PIK3R5: variants seen among roughly 807,000 people sequenced by gnomAD.
The protein encoded by PIK3R5 is phosphoinositide-3-kinase regulatory subunit 5.
A neutral mutation model predicts 94.9 loss-of-function variants in PIK3R5; 32 were observed. The ratio of observed to expected loss-of-function variants is 0.34; its 90% CI spans 0.25 to 0.45. The LOEUF (loss-of-function observed/expected upper bound fraction) is 0.45, where lower values mean the gene tolerates loss of function less well. Ranked by LOEUF, PIK3R5 falls within the 20% of genes least tolerant of loss-of-function variation. The pLI is 1.00. For synonymous variants in PIK3R5, 443 were observed against 479.4 expected, an observed-to-expected ratio of 0.92 and a Z score of 0.99; for missense variants, 853 against 1,144.6, an observed-to-expected ratio of 0.75 and a Z score of 3.68.
In PIK3R5 at chr17:8,890,810, G is replaced by A. The variant is rs747247134; in HGVS notation, c.585C>T (p.Thr195=). 6.2e-7 allele frequency: 1 copy of A among 1,613,340 alleles called. No homozygotes were observed. Among genetic ancestry groups the A allele is most frequent in the Non-Finnish European group, 8.5e-7 (1 of 1,179,738 alleles). The change falls in exon 7 of 19, where the codon ACC becomes ACT. Residue 195 remains threonine (T), a synonymous_variant. Coordinates refer to ENST00000447110, the MANE Select transcript of PIK3R5 (RefSeq NM_001142633.3). This position sits in a 1 kb window ranked among gnomAD's most constrained non-coding sequence, Gnocchi z 6.1. ...PGHSPHSAYT[T]LLLHAFQATF... Reference sequence around the variant, plus strand: ...TGGCCTGGAAGGCGTGCAGGAGCAGGGTGGTGTAGGCACTGTGAGGCGAGT... The same window carrying A: ...TGGCCTGGAAGGCGTGCAGGAGCAGAGTGGTGTAGGCACTGTGAGGCGAGT...
chr17:8,922,220 T>C (rs930074005), intron 1 of PIK3R5, among the ~76,000 whole-genome samples: 2 of 152,110 alleles, frequency 1.3e-5, no homozygotes, highest in African/African-American at 4.8e-5. Flanking sequence ...ATTGAGTGGC[T>C]GATCTGTGTC....
Position 8,904,893 on chromosome 17 carries a change from G to A in PIK3R5, c.296C>T (p.Ser99Leu). The A allele has an allele frequency of 6.2e-7, 1 of 1,613,422 alleles. No individual in the cohort carries two copies. Residue 99 changes from serine to leucine, a missense_variant, in exon 5 of 19, where the codon TCG (serine) becomes TTG (leucine). By Grantham distance (145) the Ser-to-Leu change is moderately radical (BLOSUM62 -2). This residue lies in a region of PIK3R5 where 108 missense variants were observed against 170.1 expected (regional missense o/e 0.63). Coordinates refer to ENST00000447110, the MANE Select transcript of PIK3R5 (RefSeq NM_001142633.3). This position sits in a 1 kb window ranked among gnomAD's most constrained non-coding sequence, Gnocchi z 5.1. Reference sequence around the variant, plus strand: ...GCTGGCTGCCTTCAGAAGGAGATCCGAGTCTGGTGGGAAGTGTGGTGTCTA... The same window carrying A: ...GCTGGCTGCCTTCAGAAGGAGATCCAAGTCTGGTGGGAAGTGTGGTGTCTA... ...VLCTPHFPPD[S>L]DLLLKAASTY...
Position 8,893,689 on chromosome 17 carries a change from A to C in PIK3R5, c.413-34T>G. The C allele has an allele frequency of 1.3e-6, 2 of 1,526,272 alleles. No individual in the cohort carries two copies. Among genetic ancestry groups the C allele is most frequent in the Middle Eastern group, 1.7e-4 (1 of 5,922 alleles). The allele number at this position is 1,526,272 out of a possible 1,614,324, so 94.5% of individuals were successfully genotyped here. A position where few individuals can be genotyped will look rare whatever the true frequency, so the allele number is the denominator to read the frequency against. ...CAAGAAGAAAAGAGTTCATGGGCTGATCAGTTCCTTCAGCATCGTCCGTGT... is the reference window on the plus strand; with the variant it reads ...CAAGAAGAAAAGAGTTCATGGGCTGCTCAGTTCCTTCAGCATCGTCCGTGT... On this transcript the variant is annotated intron_variant, in intron 5 of 18. Coordinates refer to ENST00000447110, the MANE Select transcript of PIK3R5 (RefSeq NM_001142633.3). This position sits in a 1 kb window ranked among gnomAD's most constrained non-coding sequence, Gnocchi z 5.1.
In PIK3R5 at chr17:8,925,411, G is replaced by A. The variant is rs1350598044; in HGVS notation, c.-13-13904C>T. ...GATAGTAGATGGAGAGATAGTAGATGGATAGGTAGATAGTAGATGGAGAGA... is the reference window on the plus strand; with the variant it reads ...GATAGTAGATGGAGAGATAGTAGATAGATAGGTAGATAGTAGATGGAGAGA... On this transcript the variant is annotated intron_variant, in intron 1 of 18. Coordinates refer to ENST00000447110, the MANE Select transcript of PIK3R5 (RefSeq NM_001142633.3). The surrounding 1 kb of genome is among the most constrained non-coding windows in gnomAD (Gnocchi z 5.1). Among the ~76,000 whole-genome samples, 1 of 149,698 alleles carries A rather than the reference G, an allele frequency of 6.7e-6. No homozygotes were observed. The highest frequency in any genetic ancestry group is 6.7e-5 in the Admixed American group (1 of 15,022).
intron 1 of PIK3R5, chr17:8,916,871 T>A (rs1261289229): frequency 6.6e-6 from 1 of 151,812 alleles, no homozygotes; most frequent in East Asian, 1.9e-4. Context: ...AAAGGAGGAG[T>A]TAGAGGGCCT....
At chr17:8,931,113 A>T (rs1033406052) in intron 1 of PIK3R5, among the ~76,000 whole-genome samples, 15 of 152,260 alleles carry the variant, frequency 9.9e-5, no homozygotes, top group Admixed American at 9.2e-4. Context: ...TAAAAGTCTA[A>T]TTAAAAAACA....
rs199732856 is a variant in PIK3R5 at position 8,893,046 on chromosome 17, C to CTGTGTGTGTGTGTGTGTG, written c.482+522_482+539dup. Among the ~76,000 whole-genome samples, 1 of 135,790 alleles carries CTGTGTGTGTGTGTGTGTG rather than the reference C, an allele frequency of 7.4e-6. No homozygotes were observed. Among genetic ancestry groups the CTGTGTGTGTGTGTGTGTG allele is most frequent in the African/African-American group, 3.0e-5 (1 of 33,028 alleles). The allele number at this position is 135,790 out of a possible 152,430, so 89.1% of individuals were successfully genotyped here. A position where few individuals can be genotyped will look rare whatever the true frequency, so the allele number is the denominator to read the frequency against. On this transcript the variant is annotated intron_variant, in intron 6 of 18. Coordinates refer to ENST00000447110, the MANE Select transcript of PIK3R5 (RefSeq NM_001142633.3). The surrounding 1 kb of genome is among the most constrained non-coding windows in gnomAD (Gnocchi z 5.1). ...GTAACCAGGATACATTTCATTTCAG[C>CTGTGTGTGTGTGTGTGTG]TGTGTGTGTGTGTGTGTGTGTGTGT...
In PIK3R5 at chr17:8,945,055, A is replaced by C. The variant is rs1220820367; in HGVS notation, c.-14+20541T>G. 2.0e-5 allele frequency among the ~76,000 whole-genome samples: 3 copies of C among 152,176 alleles called. No homozygotes were observed. Among genetic ancestry groups the C allele is most frequent in the African/African-American group, 7.2e-5 (3 of 41,442 alleles). On this transcript the variant is annotated intron_variant, in intron 1 of 18. Coordinates refer to ENST00000447110, the MANE Select transcript of PIK3R5 (RefSeq NM_001142633.3). This position sits in a 1 kb window ranked among gnomAD's most constrained non-coding sequence, Gnocchi z 4.0. Reference sequence around the variant, plus strand: ...GATGCTGGTGCTTGGGGGTCCAGGAAGCCCTGCTGTGGAGCAGCCCAGAGA... The same window carrying C: ...GATGCTGGTGCTTGGGGGTCCAGGACGCCCTGCTGTGGAGCAGCCCAGAGA...
In PIK3R5 at chr17:8,886,593, C is replaced by G. The variant is rs1471412740; in HGVS notation, c.1918G>C (p.Ala640Pro). 6.3e-7 allele frequency: 1 copy of G among 1,597,214 alleles called. No individual in the cohort carries two copies. Among genetic ancestry groups the G allele is most frequent in the Non-Finnish European group, 8.5e-7 (1 of 1,172,894 alleles). Residue 640 changes from alanine (A) to proline (P), a missense_variant, in exon 13 of 19, where the codon GCT (alanine) becomes CCT (proline). This residue lies in a region of PIK3R5 where 173 missense variants were observed against 274.1 expected (regional missense o/e 0.63). Transcript: ENST00000447110. ...PEVLCQQSLK[A>P]EAQALEGSPT... Reference sequence around the variant, plus strand: ...GAGCCCTCCAGGGCCTGGGCTTCAGCCTTCAGGGACTGCTGTGGCCAGAGG... The same window carrying G: ...GAGCCCTCCAGGGCCTGGGCTTCAGGCTTCAGGGACTGCTGTGGCCAGAGG...
intron 1 of PIK3R5, among the ~76,000 whole-genome samples, chr17:8,934,696 G>A (rs556352262): frequency 2.0e-5 from 3 of 152,116 alleles, no homozygotes; most frequent in Admixed American, 6.5e-5. Context: ...ATCTGGTACT[G>A]ACGATTTAAG....
Position 8,880,979 on chromosome 17 carries a change from G to A in PIK3R5, c.2421C>T (p.Ile807=). The stretch of plus-strand genomic sequence containing the variant: ...CAAAGGGGCAGCTGTTGGAGCCGAT[G>A]ATCTGCACCTTGTCCACTTTGATCT... ...TSQIKVDKVQ[I]IGSNSCPFAV... The change falls in exon 18 of 19, where the codon ATC becomes ATT. Residue 807 remains isoleucine (I), a synonymous_variant. Transcript: ENST00000447110. 6.2e-7 allele frequency: 1 copy of A among 1,614,154 alleles called. No homozygotes were observed. The highest frequency in any genetic ancestry group is 8.5e-7 in the Non-Finnish European group (1 of 1,179,978).
In PIK3R5 at chr17:8,881,715, G is replaced by A. The variant is rs1276265231; in HGVS notation, c.2300-3C>T. On this transcript the variant is annotated splice_polypyrimidine_tract_variant and splice_region_variant and intron_variant, in intron 16 of 18. Transcript: ENST00000447110. The surrounding 1 kb of genome is among the most constrained non-coding windows in gnomAD (Gnocchi z 4.8). ...CGTCAGGGCCTCCATGCTGGAATCT[G>A]AGGGGCAAGGACACTCAGGCCAGGC... 1 of 1,613,768 alleles carries A rather than the reference G, an allele frequency of 6.2e-7. No individual in the cohort carries two copies. Among genetic ancestry groups the A allele is most frequent in the East Asian group, 2.2e-5 (1 of 44,884 alleles).
chr17:8,908,876 G>A (rs1346520337), intron 3 of PIK3R5, among the ~76,000 whole-genome samples, 198 bp downstream of exon 3: 1 of 152,176 alleles, frequency 6.6e-6, no homozygotes, highest in Non-Finnish European at 1.5e-5. Flanking sequence ...CGTATGATGT[G>A]TTCTTACTGA....
At chr17:8,924,013 T>C (rs939116050) in intron 1 of PIK3R5, among the ~76,000 whole-genome samples, 36 of 138,226 alleles carry the variant, frequency 2.6e-4, no homozygotes, top group African/African-American at 8.5e-4. Flanking sequence ...AAGATTGCAG[T>C]TGTGACATTG....
chr17:8,955,733 C>A lies in PIK3R5; in HGVS notation c.-14+9863G>T, dbSNP rs1056427707. On this transcript the variant is annotated intron_variant, in intron 1 of 18. Coordinates refer to ENST00000447110, the MANE Select transcript of PIK3R5 (RefSeq NM_001142633.3). This position sits in a 1 kb window ranked among gnomAD's most constrained non-coding sequence, Gnocchi z 4.4. ...TCAAAACGGGCTGGGGAGTGGGGAA[C>A]AAGGAAGATGGAGGGAGGACTCGGA... Among the ~76,000 whole-genome samples the A allele has an allele frequency of 6.6e-6, 1 of 152,028 alleles. No individual in the cohort carries two copies. The highest frequency in any genetic ancestry group is 6.6e-5 in the Admixed American group (1 of 15,258).
In PIK3R5 at chr17:8,955,552, T is replaced by C. The variant is rs1033221781; in HGVS notation, c.-14+10044A>G. On this transcript the variant is annotated intron_variant, in intron 1 of 18. Transcript: ENST00000447110. The surrounding 1 kb of genome is among the most constrained non-coding windows in gnomAD (Gnocchi z 4.4). Reference sequence around the variant, plus strand: ...ATCAAAGTATCTGAACACAGTGACATAGAAGTTTTCATAAGAAGAATCTCC... The same window carrying C: ...ATCAAAGTATCTGAACACAGTGACACAGAAGTTTTCATAAGAAGAATCTCC... Among the ~76,000 whole-genome samples the C allele has an allele frequency of 1.3e-5, 2 of 152,114 alleles. No homozygotes were observed. Among genetic ancestry groups the C allele is most frequent in the Admixed American group, 6.5e-5 (1 of 15,278 alleles).
At position 8,887,576 on chromosome 17, in the gene PIK3R5, G is replaced by A. The variant is rs1288441143; in HGVS notation, c.1724C>T (p.Pro575Leu). Residue 575 changes from proline (P) to leucine (L), a missense_variant, in exon 11 of 19, where the codon CCT (proline) becomes CTT (leucine). Pro to Leu is a moderately conservative substitution (Grantham distance 98, BLOSUM62 -3). Around this residue, in one of 6 missense-constraint regions of PIK3R5, gnomAD observed 319 missense variants for 339.8 expected, o/e 0.94. Coordinates refer to ENST00000447110, the MANE Select transcript of PIK3R5 (RefSeq NM_001142633.3). ...CGGGGGTGAGGGCGTCTGGCTCCGA[G>A]GGGGTGGACAGGCACCAGGGCTGGT... Reference protein sequence around the residue: ...HGTSPGACPPPRSQTPSPPTD... With the variant: ...HGTSPGACPPLRSQTPSPPTD... 1 of 1,609,202 alleles carries A rather than the reference G, an allele frequency of 6.2e-7. No homozygotes were observed. The highest frequency in any genetic ancestry group is 8.5e-7 in the Non-Finnish European group (1 of 1,177,956).
rs572684689 is a variant in PIK3R5 at position 8,920,830 on chromosome 17, T to C, written c.-13-9323A>G. ...CATATGTATATTAAGTATTTTTTTT[T>C]CTTTTTTCTTTTTCTTTTTTTTTTT... is the stretch of plus-strand genomic sequence containing the variant. On this transcript the variant is annotated intron_variant, in intron 1 of 18. Transcript: ENST00000447110. 1.1e-4 allele frequency among the ~76,000 whole-genome samples: 17 copies of C among 151,006 alleles called. No homozygotes were observed. In the South Asian group the frequency reaches 3.3e-3, roughly 30 times the overall value.
intron 11 of PIK3R5, 129 bp downstream of exon 11, chr17:8,887,392 G>A: frequency 7.6e-7 from 1 of 1,310,844 alleles, no homozygotes. Context: ...CCAAGTGCAG[G>A]GAGTGAGGGC....
Sources: gnomAD v4.1 joint callset for allele counts (sites outside exome capture counted in the v4.1 genomes callset) on GRCh38, gnomAD v4.1.1 for gene constraint, gnomAD v4.1.1 regional missense constraint, Gnocchi (gnomAD v3.1) non-coding constraint, MANE v1.5 for transcripts, NCBI Gene and HGNC (gene_info 2026-07-23, HGNC 2026-07-21) for gene names.